Variants in ANTXR1 observed in about 807,000 individuals in gnomAD.
ANTXR1 encodes anthrax toxin receptor 1.
ANTXR1 carries 19 observed loss-of-function variants against 78.1 expected under a neutral mutation model. The observed-to-expected ratio is 0.24, with a 90% CI of 0.17 to 0.36. ANTXR1 has a LOEUF of 0.36. ANTXR1 is among the 10% of genes least tolerant of loss of function. ANTXR1 has a pLI of 1.00. For missense variants in ANTXR1, 518 were observed against 718.6 expected, an observed-to-expected ratio of 0.72 and a Z score of 3.19; for synonymous variants, 273 against 260.5, an observed-to-expected ratio of 1.05 and a Z score of -0.46.
chr2:69,235,651 CAAAA>C (rs554310438), intron 17 of ANTXR1, among the ~76,000 whole-genome samples: 2 of 58,224 alleles, frequency 3.4e-5, no homozygotes, highest in Non-Finnish European at 7.1e-5. Flanking sequence ...AACCCCGTCT[CAAAA>C]AAAAAAAAAA....
intron 9 of ANTXR1, among the ~76,000 whole-genome samples, chr2:69,097,386 T>C (rs1240977227): frequency 6.6e-6 from 1 of 152,238 alleles, no homozygotes; most frequent in African/African-American, 2.4e-5. Context: ...CTGTTTCTGA[T>C]AAAACTGGGT....
chr2:69,199,126 G>A (rs1674719796), intron 17 of ANTXR1, among the ~76,000 whole-genome samples: 1 of 152,198 alleles, frequency 6.6e-6, no homozygotes. Context: ...GGACACAGGG[G>A]ATTCCTGTAG....
At chr2:69,242,913 C>T (rs1375013223) in intron 17 of ANTXR1, among the ~76,000 whole-genome samples, 2 of 152,216 alleles carry the variant, frequency 1.3e-5, no homozygotes, top group African/African-American at 2.4e-5. Context: ...GTTACAAAAT[C>T]GGCATCATGC....
chr2:69,194,417 T>C (rs1674615344), intron 17 of ANTXR1, among the ~76,000 whole-genome samples: 1 of 152,246 alleles, frequency 6.6e-6, no homozygotes, highest in African/African-American at 2.4e-5. Context: ...CGCCTTTCCT[T>C]CCTGGCTGGA....
chr2:69,096,151 G>A lies in ANTXR1; in HGVS notation c.703+5232G>A, dbSNP rs560625191. 3.6e-3 allele frequency among the ~76,000 whole-genome samples: 553 copies of A among 151,690 alleles called. 5 individuals are homozygous for A. Among genetic ancestry groups the A allele is most frequent in the African/African-American group, 0.013 (529 of 41,284 alleles). ...CGGGCTCCTGTAGTCCCAGCTACTC[G>A]GGAGGCTGAGGCAGGAGAATGGCAT... On this transcript the variant is annotated intron_variant, in intron 9 of 17. Coordinates refer to ENST00000303714, the MANE Select transcript of ANTXR1 (RefSeq NM_032208.3).
intron 10 of ANTXR1, among the ~76,000 whole-genome samples, chr2:69,111,387 A>T (rs996580944): frequency 6.6e-6 from 1 of 152,236 alleles, no homozygotes. Context: ...ACTGTAAATT[A>T]AAAATGGATG....
chr2:69,107,552 A>T (rs1671851144), intron 10 of ANTXR1, among the ~76,000 whole-genome samples: 1 of 152,174 alleles, frequency 6.6e-6, no homozygotes, highest in South Asian at 2.1e-4. Flanking sequence ...GAAAAAGCAT[A>T]TAAATTCATT....
chr2:69,124,142 T>A (rs935646413), intron 11 of ANTXR1, among the ~76,000 whole-genome samples: 1 of 152,214 alleles, frequency 6.6e-6, no homozygotes, highest in Non-Finnish European at 1.5e-5. Flanking sequence ...CCCCATCAAA[T>A]CACTGAGAGT....
chr2:69,050,184 G>A (rs1440207374), intron 3 of ANTXR1, among the ~76,000 whole-genome samples: 1 of 152,042 alleles, frequency 6.6e-6, no homozygotes, highest in East Asian at 1.9e-4. Context: ...TGTGGTCCCA[G>A]CTACTCAGGA....
intron 16 of ANTXR1, among the ~76,000 whole-genome samples, chr2:69,186,669 G>GACTACT (rs1376086895): frequency 6.6e-6 from 1 of 152,238 alleles, no homozygotes; most frequent in Non-Finnish European, 1.5e-5. Flanking sequence ...CCTGCAAAGA[G>GACTACT]ACTACTCGAC....
intron 17 of ANTXR1, among the ~76,000 whole-genome samples, chr2:69,237,268 A>C (rs1381516374): frequency 6.6e-6 from 1 of 152,252 alleles, no homozygotes; most frequent in Non-Finnish European, 1.5e-5. Context: ...GAATCAATTA[A>C]AAGAGTTGAC....
chr2:69,142,049 AAAAAG>A (rs1673084211), intron 12 of ANTXR1, among the ~76,000 whole-genome samples: 1 of 152,238 alleles, frequency 6.6e-6, no homozygotes, highest in Non-Finnish European at 1.5e-5. Flanking sequence ...TTGACATCAT[AAAAAG>A]AAAAGGAAGG....
At chr2:69,099,761 C>A (rs1212327904) in intron 9 of ANTXR1, among the ~76,000 whole-genome samples, 1 of 152,156 alleles carries the variant, frequency 6.6e-6, no homozygotes, top group Non-Finnish European at 1.5e-5. Flanking sequence ...CTGGTTGGGA[C>A]CTGAATAAAT....
chr2:69,222,882 C>T (rs1675354835), intron 17 of ANTXR1, among the ~76,000 whole-genome samples: 1 of 152,218 alleles, frequency 6.6e-6, no homozygotes, highest in African/African-American at 2.4e-5. Context: ...GCATAAATTA[C>T]AGTTTTGTAA....
chr2:69,087,252 CA>C (rs1449527337), intron 8 of ANTXR1, among the ~76,000 whole-genome samples: 1 of 152,180 alleles, frequency 6.6e-6, no homozygotes, highest in Non-Finnish European at 1.5e-5. Context: ...GATTACTTAT[CA>C]GGTTTTAGGC....
chr2:69,059,998 A>G (rs1187154860), intron 3 of ANTXR1, among the ~76,000 whole-genome samples: 1 of 152,250 alleles, frequency 6.6e-6, no homozygotes, highest in East Asian at 1.9e-4. Context: ...GGACAAATTC[A>G]TCTTGTCCTG....
chr2:69,192,226 A>G (rs1278250026), intron 16 of ANTXR1, among the ~76,000 whole-genome samples: 1 of 152,224 alleles, frequency 6.6e-6, no homozygotes, highest in African/African-American at 2.4e-5. Flanking sequence ...CGAATCTATT[A>G]TCTTACAGTT....
At position 69,150,084 on chromosome 2, in the gene ANTXR1, A is replaced by G. The variant is rs552207456; in HGVS notation, c.952-2085A>G. Among the ~76,000 whole-genome samples the G allele has an allele frequency of 2.6e-5, 4 of 152,274 alleles. No individual in the cohort carries two copies. In the East Asian group the frequency reaches 5.8e-4, roughly 22 times the overall value. On this transcript the variant is annotated intron_variant, in intron 12 of 17. Coordinates refer to ENST00000303714, the MANE Select transcript of ANTXR1 (RefSeq NM_032208.3). ...TTCCCAAGCTCTGGCTAGGGACCAGAGGTGTTTAGTTCCCTGGCTTTTTGG... is the reference window on the plus strand; with the variant it reads ...TTCCCAAGCTCTGGCTAGGGACCAGGGGTGTTTAGTTCCCTGGCTTTTTGG...
chr2:69,145,654 G>C, intron 12 of ANTXR1: 3 of 1,206,438 alleles, frequency 2.5e-6, no homozygotes, highest in Non-Finnish European at 2.1e-6. Flanking sequence ...TCCTGGTGCA[G>C]ACCCAACTTT....
Sources: gnomAD v4.1 joint callset for allele counts (sites outside exome capture counted in the v4.1 genomes callset) on GRCh38, gnomAD v4.1.1 for gene constraint, MANE v1.5 for transcripts, NCBI Gene and HGNC (gene_info 2026-07-23, HGNC 2026-07-21) for gene names.